Variants in CC2D2A observed in about 807,000 individuals in gnomAD.
CC2D2A encodes coiled-coil and C2 domain-containing protein 2A.
A neutral mutation model predicts 212.9 loss-of-function variants in CC2D2A; 155 were observed. The ratio of observed to expected loss-of-function variants is 0.73; its 90% confidence interval spans 0.64 to 0.83. The LOEUF is 0.83. Ranked by LOEUF, CC2D2A falls within the 40% of genes least tolerant of loss-of-function variation. The probability of loss-of-function intolerance (pLI) is 0.00; values close to 1 mark genes in which losing one functional copy is unlikely to be tolerated. For synonymous variants in CC2D2A, 667 were observed against 686.5 expected, an observed-to-expected ratio of 0.97 and a Z score of 0.44; for missense variants, 1,856 against 1,956.2, an observed-to-expected ratio of 0.95 and a Z score of 0.97.
intron 2 of CC2D2A, among the ~76,000 whole-genome samples, chr4:15,477,708 G>A (rs1022636061): frequency 1.3e-5 from 2 of 152,106 alleles, no homozygotes; most frequent in African/African-American, 4.8e-5. Flanking sequence ...GCAGCTCAGA[G>A]GACAAGTCAG....
At position 15,475,981 on chromosome 4, in the gene CC2D2A, C is replaced by G. The variant is rs1321378459; in HGVS notation, c.39+10C>G. On this transcript the variant is annotated intron_variant, in intron 2 of 36. Coordinates refer to ENST00000424120, the MANE Select transcript of CC2D2A (RefSeq NM_001378615.1). The stretch of plus-strand genomic sequence containing the variant: ...AAAAATAATTACAGAGGTAAGTGGC[C>G]ACTTTGATGTCCTCTAGGGATGTGT... 1 of 1,586,660 alleles carries G rather than the reference C, an allele frequency of 6.3e-7. No individual in the cohort carries two copies. The highest frequency in any genetic ancestry group is 1.3e-5 in the African/African-American group (1 of 74,496).
At chr4:15,538,987 C>T (rs763046284) in intron 16 of CC2D2A, among the ~76,000 whole-genome samples, 4 of 151,820 alleles carry the variant, frequency 2.6e-5, no homozygotes, top group Non-Finnish European at 4.4e-5. Flanking sequence ...TCGCTTGAGG[C>T]CAGGAGTTGG....
intron 29 of CC2D2A, among the ~76,000 whole-genome samples, chr4:15,578,812 G>GT (rs199829092): frequency 0.064 from 8,289 of 129,874 alleles, 320 homozygotes; most frequent in Middle Eastern, 0.088. Context: ...TTGTTTGTTT[G>GT]TTTGTTTTTA....
At chr4:15,570,590 C>T (rs1720112887) in intron 28 of CC2D2A, 94 bp downstream of exon 28, 3 of 796,640 alleles carry the variant, frequency 3.8e-6, no homozygotes, top group Admixed American at 2.1e-5. Context: ...CGCGGTGGCT[C>T]ATGCCTGTAA....
chr4:15,566,279 T>G (rs1719875716), intron 24 of CC2D2A, among the ~76,000 whole-genome samples: 1 of 152,168 alleles, frequency 6.6e-6, no homozygotes. Flanking sequence ...CTGGTGAGGC[T>G]TGGCAGGCCC....
intron 8 of CC2D2A, 122 bp from the exon 9 acceptor site, chr4:15,514,585 T>A (rs1174995392): frequency 3.7e-6 from 3 of 806,848 alleles, no homozygotes; most frequent in Admixed American, 6.9e-5. Flanking sequence ...TTCACTTTTT[T>A]AAAAAAAGGA....
chr4:15,596,017 T>C, intron 33 of CC2D2A, 68 bp from the exon 34 acceptor site: 1 of 1,227,594 alleles, frequency 8.1e-7, no homozygotes, highest in South Asian at 1.7e-5. Flanking sequence ...CACACATACA[T>C]CCATGCACAC....
intron 4 of CC2D2A, chr4:15,492,653 G>A: frequency 1.7e-6 from 1 of 571,972 alleles, no homozygotes; most frequent in South Asian, 1.6e-5. Flanking sequence ...AAGGGCGGCA[G>A]GGACTCCTCA....
intron 34 of CC2D2A, 35 bp from the exon 35 acceptor site, chr4:15,597,372 T>C: frequency 6.8e-7 from 1 of 1,478,046 alleles, no homozygotes; most frequent in Non-Finnish European, 9.2e-7. Flanking sequence ...CTGTAGGTGA[T>C]TTTTATACTT....
intron 4 of CC2D2A, among the ~76,000 whole-genome samples, chr4:15,487,902 CAATGA>C (rs1715091226): frequency 6.6e-6 from 1 of 151,398 alleles, no homozygotes; most frequent in Non-Finnish European, 1.5e-5. Flanking sequence ...AATCTGATCA[CAATGA>C]AAAGAAAATA....
chr4:15,549,680 G>A (rs1385512965), intron 17 of CC2D2A, among the ~76,000 whole-genome samples: 2 of 152,172 alleles, frequency 1.3e-5, no homozygotes, highest in African/African-American at 4.8e-5. Context: ...GTGGGCGCCT[G>A]TAATCCCAGC....
At chr4:15,529,102 C>T (rs1297911681) in intron 13 of CC2D2A, among the ~76,000 whole-genome samples, 1 of 152,156 alleles carries the variant, frequency 6.6e-6, no homozygotes, top group Non-Finnish European at 1.5e-5. Context: ...AAGATATGCA[C>T]AGCATCATTC....
chr4:15,570,361 G>A (rs1166063297), intron 27 of CC2D2A, 37 bp from the exon 28 acceptor site: 2 of 1,303,484 alleles, frequency 1.5e-6, no homozygotes, highest in East Asian at 2.4e-5. Context: ...AGTTTCTGGA[G>A]TTCTTAAGCA....
At chr4:15,521,591 C>T (rs984973975) in intron 11 of CC2D2A, among the ~76,000 whole-genome samples, 4 of 152,136 alleles carry the variant, frequency 2.6e-5, no homozygotes, top group South Asian at 4.1e-4. Flanking sequence ...GGTCGGCAGG[C>T]GAAGATTGTT....
chr4:15,596,309 T>C, intron 34 of CC2D2A, 102 bp downstream of exon 34: 6 of 1,084,378 alleles, frequency 5.5e-6, no homozygotes, highest in Non-Finnish European at 7.3e-6. Flanking sequence ...TAGAACAGTA[T>C]TTGTTTATCA....
At chr4:15,557,106 G>A (rs1186823842) in intron 20 of CC2D2A, among the ~76,000 whole-genome samples, 198 bp from the exon 21 acceptor site, 1 of 152,060 alleles carries the variant, frequency 6.6e-6, no homozygotes. Context: ...TTTATTGTTT[G>A]GAAAATGATT....
chr4:15,510,295 C>G, intron 7 of CC2D2A, 55 bp downstream of exon 7: 2 of 1,475,098 alleles, frequency 1.4e-6, no homozygotes, highest in Non-Finnish European at 1.9e-6. Context: ...TTACAAATAT[C>G]CAATGACACA....
chr4:15,575,648 A>G (rs770200407), intron 29 of CC2D2A, among the ~76,000 whole-genome samples: 2 of 152,212 alleles, frequency 1.3e-5, no homozygotes, highest in Admixed American at 1.3e-4. Context: ...CCCATCTGCA[A>G]TGCACTGAAA....
At position 15,516,708 on chromosome 4, in the gene CC2D2A, A is replaced by G. The variant is rs199637863; in HGVS notation, c.1101A>G (p.Leu367=). ...CATTTCCTTCAAGGCCGCCAGTACT[A>G]ACACAGGAGCAGAGCATTAAGGCAG... ...IKPFPSRPPV[L]TQEQSIKAEL... is the part of the protein sequence containing the mutation. The change falls in exon 11 of 37, where the codon CTA becomes CTG. Residue 367 remains leucine (L), a synonymous_variant. Transcript: ENST00000424120. 66 of 1,613,532 alleles carry G rather than the reference A, an allele frequency of 4.1e-5. 2 individuals are homozygous for G. In the South Asian group the frequency reaches 7.0e-4, roughly 17 times the overall value.
Sources: gnomAD v4.1 joint callset for allele counts (sites outside exome capture counted in the v4.1 genomes callset) on GRCh38, gnomAD v4.1.1 for gene constraint, MANE v1.5 for transcripts, NCBI Gene and HGNC (gene_info 2026-07-23, HGNC 2026-07-21) for gene names.